Variants in GALNT13 observed in about 807,000 individuals in gnomAD.
GALNT13 encodes the protein UDP-GalNAc:polypeptide N-acetylgalactosaminyltransferase 13.
GALNT13 carries 28 observed loss-of-function variants against 64.2 expected under a neutral mutation model. The observed-to-expected ratio is 0.44, with a 90% CI of 0.32 to 0.60. The LOEUF is 0.60. GALNT13 is among the 20% of genes least tolerant of loss of function. The pLI, the probability that GALNT13 is intolerant of heterozygous loss-of-function variation, is 0.05. For synonymous variants in GALNT13, 214 were observed against 224.6 expected (o/e 0.95, Z 0.42); for missense variants, 577 against 669.8 (o/e 0.86, Z 1.53).
chr2:154,337,910 C>A (rs1204908419), intron 9 of GALNT13, among the ~76,000 whole-genome samples: 1 of 151,884 alleles, frequency 6.6e-6, no homozygotes, highest in African/African-American at 2.4e-5. Context: ...GGGGAACTGG[C>A]AAGCTTAACT....
chr2:153,208,466 C>A, the GALNT13 span, among the ~76,000 whole-genome samples: 1 of 151,398 alleles, frequency 6.6e-6, no homozygotes, highest in East Asian at 1.9e-4. Context: ...GAGATCAATC[C>A]AGGATGTTGA....
the GALNT13 span, among the ~76,000 whole-genome samples, chr2:153,365,060 C>A: frequency 6.6e-6 from 1 of 152,072 alleles, no homozygotes; most frequent in South Asian, 2.1e-4. Context: ...ATCAATGGAA[C>A]AGAACAGAAA....
At chr2:153,538,325 T>G in the GALNT13 span, among the ~76,000 whole-genome samples, 1 of 77,936 alleles carries the variant, frequency 1.3e-5, no homozygotes, top group Non-Finnish European at 2.1e-5. Flanking sequence ...TTTTTTTAAT[T>G]CTTTTTTTTT....
chr2:153,342,636 T>C, the GALNT13 span, among the ~76,000 whole-genome samples: 1 of 152,192 alleles, frequency 6.6e-6, no homozygotes, highest in Non-Finnish European at 1.5e-5. Flanking sequence ...TTACAGGTGG[T>C]AAAGAAATGA....
intron 8 of GALNT13, among the ~76,000 whole-genome samples, chr2:154,269,055 T>C (rs1263130333): frequency 6.6e-6 from 1 of 152,026 alleles, no homozygotes; most frequent in Non-Finnish European, 1.5e-5. Context: ...GTGAAATCCA[T>C]GTATTTCCAA....
At chr2:153,407,615 C>T in the GALNT13 span, among the ~76,000 whole-genome samples, 2 of 152,154 alleles carry the variant, frequency 1.3e-5, no homozygotes, top group Non-Finnish European at 2.9e-5. Context: ...CAGCTCTCAC[C>T]CGAGCTGCAT....
At chr2:154,167,975 C>T (rs746859682) in intron 4 of GALNT13, among the ~76,000 whole-genome samples, 1 of 152,100 alleles carries the variant, frequency 6.6e-6, no homozygotes, top group Non-Finnish European at 1.5e-5. Flanking sequence ...TTTCACCCAG[C>T]GAAGTTGGAG....
chr2:154,331,813 A>T (rs1047700917), intron 9 of GALNT13, among the ~76,000 whole-genome samples: 3 of 151,978 alleles, frequency 2.0e-5, no homozygotes, highest in Non-Finnish European at 4.4e-5. Flanking sequence ...TCACAACCCC[A>T]TATATCTAGC....
chr2:153,807,334 A>G, the GALNT13 span, among the ~76,000 whole-genome samples: 1 of 151,978 alleles, frequency 6.6e-6, no homozygotes, highest in African/African-American at 2.4e-5. Context: ...CAATCAGCCT[A>G]TATATATTAT....
the GALNT13 span, among the ~76,000 whole-genome samples, chr2:153,418,362 T>G: frequency 6.6e-6 from 1 of 152,152 alleles, no homozygotes; most frequent in Non-Finnish European, 1.5e-5. Context: ...TCCAGAACTG[T>G]AAGATAAATT....
intron 4 of GALNT13, among the ~76,000 whole-genome samples, chr2:154,178,562 A>C (rs1685783063): frequency 6.6e-6 from 1 of 151,660 alleles, no homozygotes; most frequent in African/African-American, 2.4e-5. Flanking sequence ...AACTTAAAGT[A>C]TAATTAAAAA....
intron 8 of GALNT13, among the ~76,000 whole-genome samples, chr2:154,279,948 A>T (rs931521579): frequency 1.3e-5 from 2 of 152,152 alleles, no homozygotes; most frequent in Non-Finnish European, 2.9e-5. Flanking sequence ...GCAAAAAAAA[A>T]AGTGCCTGTA....
At chr2:153,189,972 T>C in the GALNT13 span, among the ~76,000 whole-genome samples, 1 of 152,118 alleles carries the variant, frequency 6.6e-6, no homozygotes, top group African/African-American at 2.4e-5. Flanking sequence ...TTGTCTGATT[T>C]CTTTTATAAT....
At chr2:153,878,118 T>C (rs1373019858) in intron 1 of GALNT13, among the ~76,000 whole-genome samples, 1 of 152,220 alleles carries the variant, frequency 6.6e-6, no homozygotes, top group Non-Finnish European at 1.5e-5. Flanking sequence ...TTTTCTTTTG[T>C]ATAGTAAGAA....
chr2:153,789,068 A>G, the GALNT13 span, among the ~76,000 whole-genome samples: 3 of 152,196 alleles, frequency 2.0e-5, no homozygotes, highest in African/African-American at 7.2e-5. Context: ...AAAGATATTC[A>G]GGATCTGAAC....
At chr2:153,663,661 T>C in the GALNT13 span, among the ~76,000 whole-genome samples, 7 of 152,166 alleles carry the variant, frequency 4.6e-5, no homozygotes, top group Non-Finnish European at 8.8e-5. Flanking sequence ...GGGGACATCA[T>C]TGTGCTTATG....
At chr2:153,884,374 T>C (rs907132270) in intron 1 of GALNT13, among the ~76,000 whole-genome samples, 1 of 151,892 alleles carries the variant, frequency 6.6e-6, no homozygotes, top group African/African-American at 2.4e-5. Flanking sequence ...CATAAAGATA[T>C]TGGGATTTAA....
the GALNT13 span, among the ~76,000 whole-genome samples, chr2:153,496,056 C>T: frequency 2.6e-5 from 4 of 152,166 alleles, no homozygotes; most frequent in Admixed American, 1.3e-4. Flanking sequence ...TCTCTAGCAG[C>T]AGCATGAAGA....
intron 7 of GALNT13, among the ~76,000 whole-genome samples, chr2:154,248,885 G>T (rs1330579153): frequency 6.6e-6 from 1 of 152,122 alleles, no homozygotes; most frequent in Non-Finnish European, 1.5e-5. Context: ...TTGAGGAAAG[G>T]GGGAAAATAT....
Sources: allele counts gnomAD v4.1 joint callset (sites outside exome capture counted in the v4.1 genomes callset), GRCh38; gene constraint gnomAD v4.1.1; transcripts MANE v1.5; gene names NCBI Gene and HGNC (gene_info 2026-07-23, HGNC 2026-07-21).